DNA2: variants seen among roughly 807,000 people sequenced by gnomAD.
DNA2 encodes the protein DNA replication ATP-dependent helicase/nuclease DNA2.
Under a neutral mutation model 119.1 loss-of-function variants are expected in DNA2, and 101 were observed. The ratio of observed to expected loss-of-function variants is 0.85; its 90% CI spans 0.72 to 1.00. The LOEUF (loss-of-function observed/expected upper bound fraction) is 1.00. Among genes scored for constraint, DNA2 ranks in the 50% least tolerant of loss-of-function variants. DNA2 has a pLI of 0.00. For missense variants in DNA2, 1,121 were observed against 1,255.5 expected (o/e 0.89, Z 1.62); for synonymous variants, 366 against 424.4 (o/e 0.86, Z 1.69).
At chr10:68,433,643 C>T (rs2051849975) in intron 10 of DNA2, among the ~76,000 whole-genome samples, 1 of 152,162 alleles carries the variant, frequency 6.6e-6, no homozygotes, top group Admixed American at 6.6e-5. Flanking sequence ...TGTTATCTCA[C>T]CGCAGCCCCC....
chr10:68,453,328 C>T (rs2052143811), intron 5 of DNA2, among the ~76,000 whole-genome samples: 1 of 152,172 alleles, frequency 6.6e-6, no homozygotes, highest in South Asian at 2.1e-4. Context: ...CCTTTTAAAA[C>T]ATTTATCAAC....
chr10:68,446,261 G>T, intron 7 of DNA2, 35 bp downstream of exon 7: 2 of 1,132,854 alleles, frequency 1.8e-6, no homozygotes, highest in South Asian at 1.4e-5. Flanking sequence ...GGGGGGGTGG[G>T]CAAAGAAGTA....
intron 13 of DNA2, among the ~76,000 whole-genome samples, chr10:68,431,221 AAG>A (rs374010460): frequency 0.11 from 15,834 of 145,136 alleles, 995 homozygotes; most frequent in East Asian, 0.22. Flanking sequence ...AAAAAAAAAA[AAG>A]AAAAAGAAAA....
chr10:68,466,469 T>A (rs1052859896), intron 3 of DNA2, among the ~76,000 whole-genome samples: 4 of 150,128 alleles, frequency 2.7e-5, no homozygotes, highest in African/African-American at 9.7e-5. Flanking sequence ...CAGTAATGTT[T>A]GGGAAGAAAA....
rs2051679428 is a variant in DNA2 at position 68,422,571 on chromosome 10, C to G, written c.2436G>C (p.Arg812Ser). The change falls in exon 16 of 21, where the codon AGG becomes AGC. Residue 812 changes from arginine to serine, a missense_variant. By Grantham distance (110) the Arg-to-Ser change is moderately radical (BLOSUM62 -1). Transcript: ENST00000358410. ...ALGMSESLFK[R>S]LEQNKSAVVQ... ...CAACAGCACTCTTATTCTGCTCCAG[C>G]CTCTTGAATAAGCTTTCACTCATGC... The G allele has an allele frequency of 1.9e-6, 3 of 1,614,004 alleles. No homozygotes were observed. Among genetic ancestry groups the G allele is most frequent in the Non-Finnish European group, 2.5e-6 (3 of 1,179,892 alleles).
intron 14 of DNA2, among the ~76,000 whole-genome samples, chr10:68,425,280 G>C (rs2051724200): frequency 6.6e-6 from 1 of 151,474 alleles, no homozygotes; most frequent in African/African-American, 2.4e-5. Context: ...ATTTTTAGTA[G>C]AGGCAGGGTT....
chr10:68,439,050 T>C lies in DNA2; in HGVS notation c.1416-1809A>G, dbSNP rs917010961. On this transcript the variant is annotated intron_variant, in intron 9 of 20. Transcript: ENST00000358410. ...TCTGTCCAAAAAAAAAAAAAAAAAA[T>C]TCATTCTGGAAAGAAAAAAATGAAA... 4.9e-3 allele frequency among the ~76,000 whole-genome samples: 665 copies of C among 135,166 alleles called. 12 individuals carry two copies. The highest frequency in any genetic ancestry group is 0.017 in the African/African-American group (635 of 36,980). 88.7% of individuals were successfully genotyped at this position (135,166 alleles called of 152,430 possible).
intron 14 of DNA2, among the ~76,000 whole-genome samples, 187 bp from the exon 15 acceptor site, chr10:68,423,077 C>G (rs781039567): frequency 3.9e-5 from 6 of 152,004 alleles, no homozygotes; most frequent in Non-Finnish European, 7.4e-5. Context: ...TAAAAATAAT[C>G]AAGTAAACTT....
chr10:68,469,839 T>C (rs2052365806), intron 2 of DNA2, 142 bp downstream of exon 2: 2 of 762,932 alleles, frequency 2.6e-6, no homozygotes, highest in East Asian at 5.8e-5. Context: ...ATAGATACAA[T>C]TTTCATGCAG....
chr10:68,434,270 CA>C (rs34001465), intron 10 of DNA2, among the ~76,000 whole-genome samples: 337 of 130,892 alleles, frequency 2.6e-3, no homozygotes, highest in Middle Eastern at 8.1e-3. Flanking sequence ...GAGACGGTCT[CA>C]AAAAAAAAAA....
intron 16 of DNA2, 35 bp downstream of exon 16, chr10:68,422,480 T>G: frequency 6.2e-7 from 1 of 1,612,970 alleles, no homozygotes; most frequent in Non-Finnish European, 8.5e-7. Context: ...GAAACAAACA[T>G]GAAAACCACT....
intron 5 of DNA2, among the ~76,000 whole-genome samples, chr10:68,453,419 G>A (rs375187938): frequency 4.0e-5 from 6 of 151,834 alleles, no homozygotes; most frequent in South Asian, 2.1e-4. Flanking sequence ...GCGGAACATC[G>A]TTTCTAAGAT....
At position 68,468,227 on chromosome 10, in the gene DNA2, C is replaced by A; in HGVS notation, c.337G>T (p.Asp113Tyr). The change falls in exon 3 of 21, where the codon GAT becomes TAT. Residue 113 changes from aspartate to tyrosine, a missense_variant. By Grantham distance (160) the Asp-to-Tyr change is radical (BLOSUM62 -3). Transcript: ENST00000358410. ...GGATACAGAATCAAATATCCAAAAT[C>A]TTTATCTATTATCCAAGTGTCAGAT... ...CTSDTWIIDK[D>Y]FGYLILYPDM... 6.2e-7 allele frequency: 1 copy of A among 1,612,528 alleles called. No individual in the cohort carries two copies.
In DNA2 at chr10:68,442,919, T is replaced by A; in HGVS notation, c.1413A>T (p.Glu471Asp). The A allele has an allele frequency of 6.2e-7, 1 of 1,608,698 alleles. No homozygotes were observed. The highest frequency in any genetic ancestry group is 8.5e-7 in the Non-Finnish European group (1 of 1,177,804). ...HQNIWLMPAS[E>D]MEKSGSCIGN... ...ACTGTACTAAATGGACCACTTACAT[T>A]TCCGAAGCAGGCATTAGCCAGATAT... is the stretch of plus-strand genomic sequence containing the variant. Residue 471 changes from glutamate (E) to aspartate (D), a missense_variant and splice_region_variant, in exon 9 of 21, where the codon GAA becomes GAT. Physicochemically the swap from Glu to Asp is conservative, Grantham distance 45. Coordinates refer to ENST00000358410, the MANE Select transcript of DNA2 (RefSeq NM_001080449.3).
At chr10:68,461,318 A>C (rs1425700135) in intron 4 of DNA2, 2 of 152,226 alleles carry the variant, frequency 1.3e-5, no homozygotes, top group Non-Finnish European at 2.9e-5. Flanking sequence ...CATAAAACAT[A>C]GAAATATTTT....
chr10:68,456,000 T>TTA (rs2052177746), intron 5 of DNA2, among the ~76,000 whole-genome samples: 1 of 151,948 alleles, frequency 6.6e-6, no homozygotes, highest in African/African-American at 2.4e-5. Flanking sequence ...GGAGGATCAT[T>TTA]TGAGTCCAGG....
chr10:68,449,858 A>C (rs1016944311), intron 6 of DNA2, among the ~76,000 whole-genome samples, 170 bp downstream of exon 6: 1 of 151,736 alleles, frequency 6.6e-6, no homozygotes, highest in Non-Finnish European at 1.5e-5. Flanking sequence ...GATTACAATG[A>C]GCTGAGATCA....
rs1011141152 is a variant in DNA2, at chr10:68,465,895, C to T, written c.442-83G>A. On this transcript the variant is annotated intron_variant, in intron 3 of 20. Transcript: ENST00000358410. ...TTTATTACCTAATCTATTAAACCACCATAGCCAAAATGCACTGGTAAGACA... is the reference window on the plus strand; with the variant it reads ...TTTATTACCTAATCTATTAAACCACTATAGCCAAAATGCACTGGTAAGACA... 4.9e-6 allele frequency: 6 copies of T among 1,232,618 alleles called. No individual in the cohort carries two copies. The Admixed American group carries it at 2.3e-4, about 47-fold the overall frequency. 76.4% of individuals were successfully genotyped at this position (1,232,618 alleles called of 1,614,324 possible).
At chr10:68,422,911 T>C in intron 14 of DNA2, 21 bp from the exon 15 acceptor site, 1 of 1,501,910 alleles carries the variant, frequency 6.7e-7, no homozygotes, top group Non-Finnish European at 9.0e-7. Flanking sequence ...GGAAAACAGA[T>C]CAGTTATTTA....
Sources: allele counts gnomAD v4.1 joint callset (sites outside exome capture counted in the v4.1 genomes callset), GRCh38; gene constraint gnomAD v4.1.1; transcripts MANE v1.5; gene names NCBI Gene and HGNC (gene_info 2026-07-23, HGNC 2026-07-21).